Variants in EDNRB observed in about 807,000 individuals in gnomAD.
The protein encoded by EDNRB is Hirschsprung disease 2.
In EDNRB, 18 loss-of-function variants were observed where a neutral mutation model predicts 46.4. The observed-to-expected ratio is 0.39, with a 90% CI of 0.27 to 0.57. The LOEUF is 0.57. Ranked by LOEUF, EDNRB falls within the 20% of genes least tolerant of loss-of-function variation. The pLI is 0.61. For synonymous variants in EDNRB, 213 were observed against 204.9 expected, an observed-to-expected ratio of 1.04 and a Z score of -0.34; for missense variants, 434 against 537.5, an observed-to-expected ratio of 0.81 and a Z score of 1.90.
At chr13:77,924,548 A>G (rs953387908), upstream of EDNRB, among the ~76,000 whole-genome samples, 3 of 152,280 alleles carry the variant, frequency 2.0e-5, no homozygotes, top group African/African-American at 7.2e-5. Flanking sequence ...AAAAAAACAC[A>G]TAATATAAAA....
At chr13:77,917,109 A>G (rs2137637618) in intron 1 of EDNRB, among the ~76,000 whole-genome samples, 1 of 152,258 alleles carries the variant, frequency 6.6e-6, no homozygotes, top group African/African-American at 2.4e-5. Flanking sequence ...AAACCCTTAC[A>G]GATTTTGAGT....
chr13:77,939,920 C>T (rs181248572), intron 1 of EDNRB: 3 of 151,960 alleles, frequency 2.0e-5, no homozygotes, highest in Non-Finnish European at 4.4e-5. Flanking sequence ...CACTGGAACC[C>T]GGGAGGTGGA....
chr13:77,961,450 C>T (rs1881409111), intron 1 of EDNRB, among the ~76,000 whole-genome samples: 1 of 152,148 alleles, frequency 6.6e-6, no homozygotes, highest in Non-Finnish European at 1.5e-5. Context: ...ACAGTGCAAT[C>T]AAACTAGAAC....
upstream of EDNRB, among the ~76,000 whole-genome samples, chr13:77,921,024 G>A (rs1186732259): frequency 2.0e-5 from 3 of 152,028 alleles, no homozygotes; most frequent in African/African-American, 4.8e-5. Flanking sequence ...AATCCTCACT[G>A]AGGTCTATCT....
intron 1 of EDNRB, among the ~76,000 whole-genome samples, chr13:77,954,088 T>C (rs1310264871): frequency 6.6e-6 from 1 of 152,198 alleles, no homozygotes; most frequent in African/African-American, 2.4e-5. Flanking sequence ...ATTTATAATT[T>C]GCAATTCCAA....
chr13:77,950,144 C>T (rs1881049399), intron 1 of EDNRB, among the ~76,000 whole-genome samples: 1 of 152,204 alleles, frequency 6.6e-6, no homozygotes, highest in Non-Finnish European at 1.5e-5. Flanking sequence ...TTAAACTATA[C>T]GTCAGAGTTA....
chr13:77,960,387 A>T (rs1423976568), intron 1 of EDNRB, among the ~76,000 whole-genome samples: 1 of 152,184 alleles, frequency 6.6e-6, no homozygotes, highest in African/African-American at 2.4e-5. Context: ...AATATTCAAC[A>T]TTATTAAAGA....
In EDNRB at chr13:77,945,891, A is replaced by C. The variant is rs902987651; in HGVS notation, c.-51-27267T>G. Reference sequence around the variant, plus strand: ...TGCAAAAAACCAAAAAAAAAAAAAAAAACAAAAAAAACACACAATCCGAAG... The same window carrying C: ...TGCAAAAAACCAAAAAAAAAAAAAACAACAAAAAAAACACACAATCCGAAG... On this transcript the variant is annotated intron_variant, in intron 1 of 7. Transcript: ENST00000646948. 4.0e-5 allele frequency among the ~76,000 whole-genome samples: 6 copies of C among 151,676 alleles called. 1 individual carries two copies. The East Asian group carries it at 9.6e-4, about 24-fold the overall frequency.
In EDNRB at chr13:77,901,217, T is replaced by A; in HGVS notation, c.802-10A>T. 1.2e-6 allele frequency: 2 copies of A among 1,609,650 alleles called. No individual in the cohort carries two copies. Among genetic ancestry groups the A allele is most frequent in the Non-Finnish European group, 1.7e-6 (2 of 1,177,510 alleles). ...TTGCTGTCTTGTAAAACTATAGGGA[T>A]GAGAGAATTTTTACGATTAATACTC... On this transcript the variant is annotated splice_polypyrimidine_tract_variant and intron_variant, in intron 3 of 6. Coordinates refer to ENST00000646607, the MANE Select transcript of EDNRB (RefSeq NM_001122659.3).
intron 1 of EDNRB, among the ~76,000 whole-genome samples, chr13:77,970,686 G>A (rs1229014203): frequency 6.6e-6 from 1 of 152,050 alleles, no homozygotes; most frequent in Non-Finnish European, 1.5e-5. Flanking sequence ...CCGTGGTCAT[G>A]GGAGGCTCAG....
chr13:77,955,953 C>T (rs374696331), intron 1 of EDNRB, among the ~76,000 whole-genome samples: 2 of 151,746 alleles, frequency 1.3e-5, no homozygotes, highest in African/African-American at 2.4e-5. Context: ...ATTTTAAAAT[C>T]GAGAGTGTGA....
intron 3 of EDNRB, 55 bp downstream of exon 3, chr13:77,903,101 A>T (rs1449945313): frequency 1.3e-6 from 2 of 1,586,066 alleles, no homozygotes; most frequent in Non-Finnish European, 1.7e-6. Context: ...GGGGAAAAAT[A>T]GCTAAATATT....
At chr13:77,912,564 T>C (rs973144209) in intron 1 of EDNRB, among the ~76,000 whole-genome samples, 2 of 152,166 alleles carry the variant, frequency 1.3e-5, no homozygotes, top group African/African-American at 4.8e-5. Flanking sequence ...ACTACTCTTA[T>C]GTCTTCTGTA....
upstream of EDNRB, among the ~76,000 whole-genome samples, chr13:77,923,782 T>C (rs1338553935): frequency 6.6e-6 from 1 of 151,814 alleles, no homozygotes; most frequent in African/African-American, 2.4e-5. Flanking sequence ...GAGGTACTTT[T>C]TTTTTTTTTT....
At chr13:77,969,271 T>G (rs1881662316) in intron 1 of EDNRB, among the ~76,000 whole-genome samples, 1 of 152,196 alleles carries the variant, frequency 6.6e-6, no homozygotes, top group Non-Finnish European at 1.5e-5. Flanking sequence ...TGTAACCAGG[T>G]CTATGGTTGA....
chr13:77,907,110 T>A (rs1879320529), intron 1 of EDNRB, among the ~76,000 whole-genome samples: 1 of 151,992 alleles, frequency 6.6e-6, no homozygotes. Flanking sequence ...AGTGCGATGG[T>A]TAACTTTATG....
intron 1 of EDNRB, among the ~76,000 whole-genome samples, chr13:77,960,047 C>T (rs1016132514): frequency 6.6e-6 from 1 of 151,972 alleles, no homozygotes; most frequent in South Asian, 2.1e-4. Flanking sequence ...GTGAAAAGAC[C>T]AAATTTACAT....
At chr13:77,970,477 GA>G (rs1881697196) in intron 1 of EDNRB, among the ~76,000 whole-genome samples, 1 of 152,126 alleles carries the variant, frequency 6.6e-6, no homozygotes, top group Admixed American at 6.6e-5. Context: ...GTAACTGTGT[GA>G]TTTGGTTGAG....
chr13:77,918,471 T>G lies in EDNRB; in HGVS notation c.103A>C (p.Arg35=). The G allele has an allele frequency of 1.3e-6, 2 of 1,562,050 alleles. No homozygotes were observed. The highest frequency in any genetic ancestry group is 1.7e-6 in the Non-Finnish European group (2 of 1,157,942). The change falls in exon 1 of 7, where the codon AGG becomes CGG. Residue 35 remains arginine (R), a synonymous_variant. Coordinates refer to ENST00000646607, the MANE Select transcript of EDNRB (RefSeq NM_001122659.3). This position sits in a 1 kb window ranked among gnomAD's most constrained non-coding sequence, Gnocchi z 4.5. Reference sequence around the variant, plus strand: ...GCGGTTTGCAAAAGCGGAGTGGCCCTGTCAGGCGGGAAGCCTCTCTCCTCT... The same window carrying G: ...GCGGTTTGCAAAAGCGGAGTGGCCCGGTCAGGCGGGAAGCCTCTCTCCTCT... The part of the protein sequence containing the change: ...WGEERGFPPD[R]ATPLLQTAEI...
Sources: allele counts gnomAD v4.1 joint callset (sites outside exome capture counted in the v4.1 genomes callset), GRCh38; gene constraint gnomAD v4.1.1; non-coding constraint Gnocchi (gnomAD v3.1); transcripts MANE v1.5; gene names NCBI Gene and HGNC (gene_info 2026-07-23, HGNC 2026-07-21).